SORBS2: variants seen among roughly 807,000 people sequenced by gnomAD.
The protein encoded by SORBS2 is sorbin and SH3 domain containing 2, also known as sorbin and SH3 domain-containing protein 2.
A neutral mutation model predicts 97.7 loss-of-function variants in SORBS2; 46 were observed. The ratio of observed to expected loss-of-function variants is 0.47; its 90% CI spans 0.37 to 0.60. SORBS2 has a LOEUF of 0.60. Ranked by LOEUF, SORBS2 falls within the 20% of genes least tolerant of loss-of-function variation. The probability of loss-of-function intolerance (pLI) is 0.00; values close to 1 mark genes in which losing one functional copy is unlikely to be tolerated. For synonymous variants in SORBS2, 476 were observed against 473.4 expected (o/e 1.01, Z -0.07); for missense variants, 1,316 against 1,282.3 (o/e 1.03, Z -0.40).
At chr4:185,830,415 C>G (rs1418906106) in intron 1 of SORBS2, among the ~76,000 whole-genome samples, 1 of 152,150 alleles carries the variant, frequency 6.6e-6, no homozygotes, top group Non-Finnish European at 1.5e-5. Context: ...TTTGAATCAC[C>G]CACTATCTGA....
At chr4:185,600,776 G>A (rs1274255580) in intron 12 of SORBS2, among the ~76,000 whole-genome samples, 1 of 152,110 alleles carries the variant, frequency 6.6e-6, no homozygotes, top group African/African-American at 2.4e-5. Flanking sequence ...CAAATTTCAT[G>A]GACTGTATCA....
intron 14 of SORBS2, chr4:185,587,925 A>G: frequency 2.2e-6 from 1 of 464,974 alleles, no homozygotes; most frequent in Non-Finnish European, 3.9e-6. Flanking sequence ...GCGGCAGGCT[A>G]AACAGAAATG....
chr4:185,794,775 T>C (rs1255208322), intron 1 of SORBS2, among the ~76,000 whole-genome samples: 1 of 152,092 alleles, frequency 6.6e-6, no homozygotes, highest in African/African-American at 2.4e-5. Context: ...ACTGAGGTCC[T>C]GGGTGTGTGA....
chr4:185,635,256 G>C (rs1239298993), intron 4 of SORBS2, 99 bp downstream of exon 16: 1 of 843,506 alleles, frequency 1.2e-6, no homozygotes, highest in Non-Finnish European at 1.9e-6. Context: ...TTCAAAAATA[G>C]CTTAGACATT....
intron 4 of SORBS2, among the ~76,000 whole-genome samples, chr4:185,634,664 A>G (rs2096964080): frequency 6.6e-6 from 1 of 152,172 alleles, no homozygotes; most frequent in African/African-American, 2.4e-5. Flanking sequence ...TCAAATAAAA[A>G]TATACATTGG....
At chr4:185,634,980 T>A (rs1460450536) in intron 4 of SORBS2, among the ~76,000 whole-genome samples, 1 of 152,204 alleles carries the variant, frequency 6.6e-6, no homozygotes, top group Non-Finnish European at 1.5e-5. Flanking sequence ...ACTCCAAGCA[T>A]TATAATAGAA....
In SORBS2 at chr4:185,899,360, A is replaced by G. The variant is rs79079211; in HGVS notation, c.-338+56836T>C. On this transcript the variant is annotated intron_variant, in intron 1 of 20. Transcript: ENST00000284776. ...TGTTTAAGTGTGCACAGGGATTTGGACATATTTTTTATTTTAGAGTGTAGA... is the reference window on the plus strand; with the variant it reads ...TGTTTAAGTGTGCACAGGGATTTGGGCATATTTTTTATTTTAGAGTGTAGA... Among the ~76,000 whole-genome samples the G allele has an allele frequency of 9.9e-3, 1,506 of 152,282 alleles. 13 individuals are homozygous for G. The highest frequency in any genetic ancestry group is 0.016 in the Non-Finnish European group (1,063 of 68,014).
intron 6 of SORBS2, among the ~76,000 whole-genome samples, chr4:185,624,756 C>T (rs115248360): frequency 0.02 from 2,991 of 152,254 alleles, 86 homozygotes; most frequent in African/African-American, 0.068. Flanking sequence ...AAGCAACCGA[C>T]GTAAGCAAAT....
chr4:185,726,205 C>T (rs2098553614), intron 2 of SORBS2, among the ~76,000 whole-genome samples: 1 of 152,140 alleles, frequency 6.6e-6, no homozygotes, highest in South Asian at 2.1e-4. Flanking sequence ...AAATTACACA[C>T]AGTTTTAGAA....
At chr4:185,706,603 C>A (rs749127187) in intron 2 of SORBS2, among the ~76,000 whole-genome samples, 1 of 152,176 alleles carries the variant, frequency 6.6e-6, no homozygotes, top group African/African-American at 2.4e-5. Context: ...TTCGTAAGGA[C>A]CTGTGTCTAT....
intron 4 of SORBS2, among the ~76,000 whole-genome samples, chr4:185,643,032 G>A (rs1300136736): frequency 2.0e-5 from 3 of 152,262 alleles, no homozygotes; most frequent in African/African-American, 7.2e-5. Context: ...CTGAACACCT[G>A]CTACAGGCCA....
intron 4 of SORBS2, among the ~76,000 whole-genome samples, chr4:185,671,983 T>C (rs956307756): frequency 6.6e-6 from 1 of 152,238 alleles, no homozygotes; most frequent in South Asian, 2.1e-4. Context: ...TACATGCATA[T>C]GCATGCGCAT....
At chr4:185,948,906 A>C (rs1271816246) in intron 1 of SORBS2, among the ~76,000 whole-genome samples, 1 of 152,078 alleles carries the variant, frequency 6.6e-6, no homozygotes, top group Non-Finnish European at 1.5e-5. Context: ...GTAAGGTGAA[A>C]GGTGATCAAT....
intron 4 of SORBS2, among the ~76,000 whole-genome samples, chr4:185,641,677 G>A (rs2097128221): frequency 6.6e-6 from 1 of 151,422 alleles, no homozygotes; most frequent in Admixed American, 6.6e-5. Flanking sequence ...TACTCTAATT[G>A]CTCATAAAAG....
At chr4:185,779,435 T>G (rs1290934366) in intron 1 of SORBS2, among the ~76,000 whole-genome samples, 1 of 152,260 alleles carries the variant, frequency 6.6e-6, no homozygotes, top group Non-Finnish European at 1.5e-5. Context: ...TGAAAAACTG[T>G]GCAGATTTCC....
intron 4 of SORBS2, among the ~76,000 whole-genome samples, chr4:185,669,514 A>G (rs917945608): frequency 1.3e-4 from 20 of 152,138 alleles, no homozygotes; most frequent in Non-Finnish European, 1.3e-4. Flanking sequence ...GAGGTGGAAG[A>G]GGGTAGCTGT....
At chr4:185,738,931 G>A (rs1429762037) in intron 2 of SORBS2, among the ~76,000 whole-genome samples, 2 of 152,212 alleles carry the variant, frequency 1.3e-5, no homozygotes, top group African/African-American at 2.4e-5. Flanking sequence ...AGTGATACCA[G>A]TGCAAGGGGA....
intron 2 of SORBS2, among the ~76,000 whole-genome samples, chr4:185,753,509 C>T (rs759450338): frequency 3.3e-5 from 5 of 151,906 alleles, no homozygotes; most frequent in Non-Finnish European, 5.9e-5. Context: ...ATTTGGAATT[C>T]GATTAAACAG....
intron 1 of SORBS2, among the ~76,000 whole-genome samples, chr4:185,819,105 C>A: frequency 6.6e-6 from 1 of 152,238 alleles, no homozygotes; most frequent in Middle Eastern, 3.4e-3. Flanking sequence ...ATCACAGGAT[C>A]AGGATTGGCT....
Sources: gnomAD v4.1 joint callset for allele counts (sites outside exome capture counted in the v4.1 genomes callset) on GRCh38, gnomAD v4.1.1 for gene constraint, MANE v1.5 for transcripts, NCBI Gene and HGNC (gene_info 2026-07-23, HGNC 2026-07-21) for gene names.